KCNMA1: variants seen among roughly 807,000 people sequenced by gnomAD.
KCNMA1 encodes the protein potassium calcium-activated channel subfamily M alpha 1.
KCNMA1 carries 29 observed loss-of-function variants against 140.0 expected under a neutral mutation model. That is an observed-to-expected ratio of 0.21 (90% confidence interval 0.15 to 0.28). The LOEUF is 0.28. Ranked by LOEUF, KCNMA1 falls within the 10% of genes least tolerant of loss-of-function variation. The pLI, the probability that KCNMA1 is intolerant of heterozygous loss-of-function variation, is 1.00. For missense variants in KCNMA1, 880 were observed against 1,602.2 expected (o/e 0.55, Z 7.70); for synonymous variants, 612 against 611.9 (o/e 1.00, Z 0.00).
chr10:77,051,177 C>T (rs187293009), intron 14 of KCNMA1, among the ~76,000 whole-genome samples: 3 of 152,128 alleles, frequency 2.0e-5, no homozygotes, highest in Non-Finnish European at 2.9e-5. Context: ...AGGACGAAAA[C>T]GCTCGCCAAC....
rs146495164 is a variant in KCNMA1 at position 77,068,477 on chromosome 10, T to C, written c.1749+4620A>G. On this transcript the variant is annotated intron_variant, in intron 14 of 27. Coordinates refer to ENST00000286628, the MANE Select transcript of KCNMA1 (RefSeq NM_001161352.2). Reference sequence around the variant, plus strand: ...CAGCCAAGATACAATCTGAATAGCATGCTTCTGATTTCTCTAGTGCATTCT... The same window carrying C: ...CAGCCAAGATACAATCTGAATAGCACGCTTCTGATTTCTCTAGTGCATTCT... 8.6e-3 allele frequency among the ~76,000 whole-genome samples: 1,315 copies of C among 152,292 alleles called. 18 individuals carry two copies. Among genetic ancestry groups the C allele is most frequent in the African/African-American group, 0.03 (1,239 of 41,552 alleles).
At chr10:77,204,098 GAAA>G (rs11325401) in intron 3 of KCNMA1, among the ~76,000 whole-genome samples, 2 of 120,238 alleles carry the variant, frequency 1.7e-5, no homozygotes, top group Admixed American at 8.7e-5. Context: ...TCCCTCTCAG[GAAA>G]AAAAAAAAAA....
chr10:77,039,864 CTTTTTCT>C (rs1339709686), intron 14 of KCNMA1, among the ~76,000 whole-genome samples: 2 of 135,596 alleles, frequency 1.5e-5, no homozygotes, highest in African/African-American at 5.5e-5. Context: ...GATTTCTTTC[CTTTTTCT>C]TTTTTCTTTT....
chr10:77,405,219 G>A (rs1461703640), intron 1 of KCNMA1, among the ~76,000 whole-genome samples: 2 of 152,124 alleles, frequency 1.3e-5, no homozygotes, highest in African/African-American at 2.4e-5. Flanking sequence ...TTTCAATGAA[G>A]TCTTCCCTGG....
intron 5 of KCNMA1, among the ~76,000 whole-genome samples, chr10:77,171,400 CGTGTGTGTGTGTGTGTGTGTGTGT>C (rs60927086): frequency 7.8e-6 from 1 of 128,932 alleles, no homozygotes; most frequent in African/African-American, 2.6e-5. Flanking sequence ...TGTGTGTGTG[CGTGTGTGTGTGTGTGTGTGTGTGT>C]GTGTGTGTGT....
chr10:76,982,486 G>T (rs1404676347), intron 19 of KCNMA1, among the ~76,000 whole-genome samples: 1 of 152,180 alleles, frequency 6.6e-6, no homozygotes, highest in Non-Finnish European at 1.5e-5. Context: ...GCAGTAGAGG[G>T]TGGGAAGGGC....
intron 18 of KCNMA1, among the ~76,000 whole-genome samples, chr10:77,006,428 G>T (rs543489739): frequency 6.6e-6 from 1 of 152,076 alleles, no homozygotes; most frequent in Non-Finnish European, 1.5e-5. Flanking sequence ...AGCAACTAAC[G>T]TTACTAATAA....
At chr10:77,440,721 G>A (rs1374832845) in intron 1 of KCNMA1, among the ~76,000 whole-genome samples, 3 of 152,232 alleles carry the variant, frequency 2.0e-5, no homozygotes, top group Non-Finnish European at 1.5e-5. Flanking sequence ...GAGGAAGCCT[G>A]GGAGGTTAAA....
intron 1 of KCNMA1, among the ~76,000 whole-genome samples, chr10:77,556,795 G>T (rs1035084908): frequency 1.3e-5 from 2 of 152,034 alleles, no homozygotes; most frequent in Non-Finnish European, 2.9e-5. Context: ...TTCCATGGTG[G>T]TGCACACCTG....
At chr10:76,878,456 T>TG (rs773290611) in intron 29 of KCNMA1, among the ~76,000 whole-genome samples, 12 of 152,314 alleles carry the variant, frequency 7.9e-5, no homozygotes, top group Admixed American at 2.6e-4. Flanking sequence ...GTAGCCACTT[T>TG]GGGGGGTCTA....
chr10:77,148,452 A>G (rs17390995), intron 5 of KCNMA1: 35,047 of 152,104 alleles, frequency 0.23, 5,072 homozygotes, highest in Middle Eastern at 0.34. Context: ...CATTTTCACA[A>G]GGGCCTCAGG....
chr10:77,534,493 A>G (rs1026697857), intron 1 of KCNMA1, among the ~76,000 whole-genome samples: 10 of 152,202 alleles, frequency 6.6e-5, no homozygotes, highest in Non-Finnish European at 1.0e-4. Flanking sequence ...TCCTTTCTCT[A>G]TCCACGTTTA....
At chr10:77,351,981 T>C (rs1603336599) in intron 2 of KCNMA1, among the ~76,000 whole-genome samples, 1 of 152,224 alleles carries the variant, frequency 6.6e-6, no homozygotes, top group Non-Finnish European at 1.5e-5. Context: ...TGGACAGGAA[T>C]ATTTATGAGG....
At chr10:77,272,637 T>C (rs1398955501) in intron 2 of KCNMA1, among the ~76,000 whole-genome samples, 1 of 151,134 alleles carries the variant, frequency 6.6e-6, no homozygotes, top group East Asian at 1.9e-4. Flanking sequence ...ATGAAGTAAA[T>C]ATATATATAT....
chr10:77,449,953 TTTTAA>T (rs2097601956), intron 1 of KCNMA1, among the ~76,000 whole-genome samples: 1 of 150,934 alleles, frequency 6.6e-6, no homozygotes, highest in African/African-American at 2.4e-5. Context: ...ATTTATTTAT[TTTTAA>T]TTTAAAATAG....
intron 1 of KCNMA1, among the ~76,000 whole-genome samples, chr10:77,607,007 C>G (rs1801100136): frequency 6.6e-6 from 1 of 152,210 alleles, no homozygotes; most frequent in South Asian, 2.1e-4. Flanking sequence ...AGTTCAGACT[C>G]ACCCAACTAG....
intron 17 of KCNMA1, among the ~76,000 whole-genome samples, chr10:77,017,759 C>A (rs1416847923): frequency 6.6e-6 from 1 of 152,176 alleles, no homozygotes; most frequent in Admixed American, 6.5e-5. Flanking sequence ...GCTCCAACTT[C>A]CTGGCTTTAT....
At position 77,346,402 on chromosome 10, in the gene KCNMA1, C is replaced by G. The variant is rs1186587472; in HGVS notation, c.540+57460G>C. ...TCTCACTGGCCTTCCCTCCCTCCCT[C>G]CTATTCCAGCATCTTGCAGCTGGTA... On this transcript the variant is annotated intron_variant, in intron 2 of 27. Transcript: ENST00000286628. Among the ~76,000 whole-genome samples, 5 of 152,194 alleles carry G rather than the reference C, an allele frequency of 3.3e-5. 1 individual carries two copies. The highest frequency in any genetic ancestry group is 1.2e-4 in the African/African-American group (5 of 41,446).
In KCNMA1 at chr10:77,073,382, C is replaced by A. The variant is rs904528987; in HGVS notation, c.1594-130G>T. On this transcript the variant is annotated intron_variant, in intron 13 of 27. Transcript: ENST00000286628. ...GTCTTGCCCTTCTTTTCCCTTGCTGCGGTCTGATGTTTGCTGTTTTATGCA... is the reference window on the plus strand; with the variant it reads ...GTCTTGCCCTTCTTTTCCCTTGCTGAGGTCTGATGTTTGCTGTTTTATGCA... 15 of 905,610 alleles carry A rather than the reference C, an allele frequency of 1.7e-5. No individual in the cohort carries two copies. In the East Asian group the frequency reaches 3.1e-4, roughly 19 times the overall value. 56.1% of individuals were successfully genotyped at this position (905,610 alleles called of 1,614,324 possible). A position where few individuals can be genotyped will look rare whatever the true frequency, so the allele number is the denominator to read the frequency against.
Sources: allele counts gnomAD v4.1 joint callset (sites outside exome capture counted in the v4.1 genomes callset), GRCh38; gene constraint gnomAD v4.1.1; transcripts MANE v1.5; gene names NCBI Gene and HGNC (gene_info 2026-07-23, HGNC 2026-07-21).